HSH2D: variants seen among roughly 807,000 people sequenced by gnomAD.
HSH2D encodes the protein hematopoietic SH2 domain-containing protein.
A neutral mutation model predicts 21.5 loss-of-function variants in HSH2D; 16 were observed. The observed-to-expected ratio is 0.74, with a 90% CI of 0.50 to 1.13. The LOEUF (loss-of-function observed/expected upper bound fraction) is 1.13. Among genes scored for constraint, HSH2D ranks in the 50% most tolerant of loss-of-function variants. The pLI is 0.00. For synonymous variants in HSH2D, 172 were observed against 184.7 expected, an observed-to-expected ratio of 0.93 and a Z score of 0.56; for missense variants, 418 against 441.4, an observed-to-expected ratio of 0.95 and a Z score of 0.47.
chr19:16,145,591 C>CT (rs1013361341), intron 1 of HSH2D, among the ~76,000 whole-genome samples: 12 of 152,018 alleles, frequency 7.9e-5, no homozygotes, highest in African/African-American at 2.9e-4. Context: ...TTTTGGTTGC[C>CT]CCAGAATTCC....
chr19:16,143,237 G>A (rs1179031988), upstream of HSH2D, among the ~76,000 whole-genome samples: 4 of 151,990 alleles, frequency 2.6e-5, no homozygotes, highest in African/African-American at 7.3e-5. Context: ...GGCGTGCGCC[G>A]CCACACCCGG....
At chr19:16,155,288 G>A (rs1342490214) in intron 5 of HSH2D, among the ~76,000 whole-genome samples, 1 of 152,056 alleles carries the variant, frequency 6.6e-6, no homozygotes, top group Non-Finnish European at 1.5e-5. Context: ...AGTGGGGGAA[G>A]GCAGTCAGGG....
In HSH2D at chr19:16,143,790, G is replaced by A; in HGVS notation, c.-28+16G>A. 1 of 439,066 alleles carries A rather than the reference G, an allele frequency of 2.3e-6. No homozygotes were observed. Among genetic ancestry groups the A allele is most frequent in the Non-Finnish European group, 4.6e-6 (1 of 216,494 alleles). 27.2% of individuals were successfully genotyped at this position (439,066 alleles called of 1,614,324 possible). A position where few individuals can be genotyped will look rare whatever the true frequency, so the allele number is the denominator to read the frequency against. Reference sequence around the variant, plus strand: ...GGTCTCCCAGGTATGTGACCCAAGAGCCTCAGCCCTCGAGGAGACAGAACG... The same window carrying A: ...GGTCTCCCAGGTATGTGACCCAAGAACCTCAGCCCTCGAGGAGACAGAACG... On this transcript the variant is annotated intron_variant, in intron 1 of 5. Coordinates refer to ENST00000613986, the MANE Select transcript of HSH2D (RefSeq NM_001382417.1).
intron 2 of HSH2D, among the ~76,000 whole-genome samples, chr19:16,151,000 C>T (rs1599421082): frequency 6.6e-6 from 1 of 152,128 alleles, no homozygotes; most frequent in Non-Finnish European, 1.5e-5. Context: ...CGGCCTTCCT[C>T]TCTGTGAACT....
chr19:16,154,348 G>C (rs1447306749), intron 4 of HSH2D, 51 bp from the exon 5 acceptor site: 3 of 1,319,366 alleles, frequency 2.3e-6, no homozygotes, highest in Admixed American at 2.1e-5. Flanking sequence ...GGTCCGTGCA[G>C]GACCTTTCCC....
At chr19:16,154,768 G>A in intron 5 of HSH2D, 1 of 295,874 alleles carries the variant, frequency 3.4e-6, no homozygotes, top group Non-Finnish European at 6.5e-6. Flanking sequence ...GCGTGTGCCG[G>A]CCCCACCTCA....
chr19:16,153,202 C>A lies in HSH2D; in HGVS notation c.375C>A (p.Cys125Ter). The A allele has an allele frequency of 6.5e-7, 1 of 1,539,168 alleles. No individual in the cohort carries two copies. Among genetic ancestry groups the A allele is most frequent in the Non-Finnish European group, 8.7e-7 (1 of 1,143,802 alleles). The change falls in exon 4 of 6, where the codon TGC becomes TGA. Residue 125 changes from cysteine (C) to a stop codon, truncating the protein, a stop_gained. Coordinates refer to ENST00000613986, the MANE Select transcript of HSH2D (RefSeq NM_001382417.1). LOFTEE classifies it high-confidence loss of function. Reference sequence around the variant, plus strand: ...GCAGGGAGCTGCTGACACAGCCCTGCAGGCAGGTGAGGGCGGGGACCCACA... The same window carrying A: ...GCAGGGAGCTGCTGACACAGCCCTGAAGGCAGGTGAGGGCGGGGACCCACA... ...EPRRELLTQP[C>*]RQKDPANVDY...
intron 2 of HSH2D, among the ~76,000 whole-genome samples, chr19:16,151,118 G>T (rs992988984): frequency 3.3e-5 from 5 of 152,094 alleles, no homozygotes; most frequent in African/African-American, 1.2e-4. Flanking sequence ...GAGGTCAGGA[G>T]CTCGAGACCA....
chr19:16,152,998 G>A (rs769228491), intron 3 of HSH2D, 45 bp from the exon 4 acceptor site: 10 of 1,585,974 alleles, frequency 6.3e-6, no homozygotes, highest in Non-Finnish European at 4.3e-6. Context: ...TTGGGGCAGG[G>A]ATGAGGGGGA....
At chr19:16,151,617 A>C in intron 2 of HSH2D, 1 of 455,874 alleles carries the variant, frequency 2.2e-6, no homozygotes, top group Non-Finnish European at 4.4e-6. Flanking sequence ...ATCCACCCAA[A>C]GGTGCCTTAA....
intron 4 of HSH2D, among the ~76,000 whole-genome samples, chr19:16,153,961 T>C (rs106048): frequency 0.86 from 129,207 of 150,066 alleles, 55,668 homozygotes; most frequent in East Asian, 0.96. Flanking sequence ...TTATAGGGCT[T>C]GGTGTGCCTG....
chr19:16,139,092 A>G (rs1012748088), upstream of HSH2D, among the ~76,000 whole-genome samples: 27 of 152,182 alleles, frequency 1.8e-4, no homozygotes, highest in African/African-American at 5.8e-4. Context: ...TCCTGACCTC[A>G]GGTGATCTGC....
intron 1 of HSH2D, among the ~76,000 whole-genome samples, chr19:16,145,062 AGAGTTTC>A (rs1221168295): frequency 9.7e-6 from 1 of 103,028 alleles, no homozygotes; most frequent in Non-Finnish European, 2.0e-5. Flanking sequence ...TTTGTGAGAC[AGAGTTTC>A]GCTCTGTTGC....
intron 1 of HSH2D, among the ~76,000 whole-genome samples, chr19:16,137,752 T>A (rs1034686725): frequency 6.6e-5 from 10 of 152,066 alleles, no homozygotes; most frequent in African/African-American, 2.4e-4. Context: ...CAACTAATTG[T>A]TTTACTTTTT....
At chr19:16,139,202 A>G (rs1020550026), upstream of HSH2D, among the ~76,000 whole-genome samples, 2 of 152,228 alleles carry the variant, frequency 1.3e-5, no homozygotes, top group East Asian at 1.9e-4. Context: ...CATGGTGCCC[A>G]TCCAGAGCTG....
intron 5 of HSH2D, among the ~76,000 whole-genome samples, chr19:16,156,505 A>C (rs2091239410): frequency 6.6e-6 from 1 of 152,182 alleles, no homozygotes; most frequent in Non-Finnish European, 1.5e-5. Context: ...TAAAGATAGT[A>C]TTTTGTAACC....
intron 1 of HSH2D, among the ~76,000 whole-genome samples, chr19:16,144,277 C>A (rs1377727393): frequency 2.6e-5 from 4 of 151,936 alleles, no homozygotes; most frequent in Non-Finnish European, 5.9e-5. Flanking sequence ...TAAAGACACT[C>A]TAGCTCCATG....
In HSH2D at chr19:16,152,591, C is replaced by G; in HGVS notation, c.165C>G (p.Ser55=). ...TGCTGGAGTCACAGCCACTGGGATC[C>G]TTTCTCATCAGGGTCAGTCACAGCC... ...ENLLESQPLG[S]FLIRVSHSHV... is the part of the protein sequence containing the mutation. The change falls in exon 3 of 6, where the codon TCC becomes TCG. Residue 55 remains serine, a synonymous_variant. Transcript: ENST00000613986. The G allele has an allele frequency of 1.3e-6, 2 of 1,511,178 alleles. No homozygotes were observed. Among genetic ancestry groups the G allele is most frequent in the Non-Finnish European group, 1.8e-6 (2 of 1,132,246 alleles). 93.6% of individuals were successfully genotyped at this position (1,511,178 alleles called of 1,614,324 possible). A position where few individuals can be genotyped will look rare whatever the true frequency, so the allele number is the denominator to read the frequency against.
intron 1 of HSH2D, among the ~76,000 whole-genome samples, chr19:16,147,681 T>C (rs2091092090): frequency 6.6e-6 from 1 of 151,398 alleles, no homozygotes; most frequent in South Asian, 2.1e-4. Context: ...AGTCTCACTC[T>C]GTTGCCCAGG....
Sources: gnomAD v4.1 joint callset for allele counts (sites outside exome capture counted in the v4.1 genomes callset) on GRCh38, gnomAD v4.1.1 for gene constraint, MANE v1.5 for transcripts, NCBI Gene and HGNC (gene_info 2026-07-23, HGNC 2026-07-21) for gene names.